The following TGFBR3 variants were observed in gnomAD, a reference collection of about 807,000 sequenced individuals.
TGFBR3 encodes the protein transforming growth factor beta receptor type 3.
Under a neutral mutation model 87.9 loss-of-function variants are expected in TGFBR3, and 46 were observed. The ratio of observed to expected loss-of-function variants is 0.52; its 90% CI spans 0.41 to 0.67. The LOEUF (loss-of-function observed/expected upper bound fraction) is 0.67. TGFBR3 is among the 30% of genes least tolerant of loss of function. The pLI, the probability that TGFBR3 is intolerant of heterozygous loss-of-function variation, is 0.00. For synonymous variants in TGFBR3, 381 were observed against 391.6 expected (o/e 0.97, Z 0.32); for missense variants, 866 against 1,041.9 (o/e 0.83, Z 2.32).
At chr1:91,812,280 C>T (rs944180381) in intron 2 of TGFBR3, among the ~76,000 whole-genome samples, 1 of 152,200 alleles carries the variant, frequency 6.6e-6, no homozygotes, top group South Asian at 2.1e-4. Context: ...CAAAGAACCA[C>T]CTTTCCGCCA....
chr1:91,884,531 A>G (rs1679218607), intron 1 of TGFBR3, among the ~76,000 whole-genome samples: 1 of 152,206 alleles, frequency 6.6e-6, no homozygotes, highest in African/African-American at 2.4e-5. Context: ...TGGACTATGC[A>G]CACAAATCTA....
At chr1:91,882,309 G>A (rs1679118183) in intron 1 of TGFBR3, among the ~76,000 whole-genome samples, 1 of 151,342 alleles carries the variant, frequency 6.6e-6, no homozygotes, top group Admixed American at 6.6e-5. Context: ...GCAAATTGTT[G>A]TATTTTCTGT....
chr1:91,903,732 C>G (rs1296116136), intron 1 of TGFBR3, among the ~76,000 whole-genome samples: 1 of 152,112 alleles, frequency 6.6e-6, no homozygotes, highest in Non-Finnish European at 1.5e-5. Flanking sequence ...GTCAATTAGA[C>G]ATTCTTATTC....
chr1:91,776,145 C>T (rs986028298), intron 3 of TGFBR3, among the ~76,000 whole-genome samples: 7 of 152,164 alleles, frequency 4.6e-5, no homozygotes, highest in African/African-American at 1.7e-4. Flanking sequence ...ATTAAGTCAA[C>T]ACGCAACACT....
In TGFBR3 at chr1:91,865,656, T is replaced by C. The variant is rs147533036; in HGVS notation, c.-113-4012A>G. 2.0e-3 allele frequency among the ~76,000 whole-genome samples: 305 copies of C among 152,260 alleles called. 7 individuals carry two copies. The East Asian group carries it at 0.056, about 28-fold the overall frequency. On this transcript the variant is annotated intron_variant, in intron 1 of 16. Coordinates refer to ENST00000212355, the MANE Select transcript of TGFBR3 (RefSeq NM_003243.5). ...GGCCGGGCGCGGTGGCTCACGCCTG[T>C]AATCCCAGCACTTTGGGAGGCCGAG...
At chr1:91,799,689 G>A (rs1398801742) in intron 2 of TGFBR3, among the ~76,000 whole-genome samples, 1 of 152,138 alleles carries the variant, frequency 6.6e-6, no homozygotes, top group Non-Finnish European at 1.5e-5. Flanking sequence ...TGTGTGCAAA[G>A]CTCTGAACAG....
chr1:91,875,480 T>C (rs1049041372), intron 1 of TGFBR3, among the ~76,000 whole-genome samples: 2 of 151,620 alleles, frequency 1.3e-5, no homozygotes, highest in African/African-American at 4.9e-5. Flanking sequence ...CACAGAAATA[T>C]GAGCAACTCA....
At chr1:91,798,449 A>C (rs955673568) in intron 2 of TGFBR3, among the ~76,000 whole-genome samples, 1 of 152,050 alleles carries the variant, frequency 6.6e-6, no homozygotes, top group African/African-American at 2.4e-5. Flanking sequence ...AACTTATTTA[A>C]AGGTCTCCAG....
chr1:91,815,267 A>C (rs1343004337), intron 2 of TGFBR3, among the ~76,000 whole-genome samples: 2 of 151,950 alleles, frequency 1.3e-5, no homozygotes, highest in Non-Finnish European at 2.9e-5. Flanking sequence ...GCACCACTGC[A>C]CTCCAGCCTG....
chr1:91,743,060 G>A (rs535703344), intron 4 of TGFBR3, among the ~76,000 whole-genome samples: 49 of 152,222 alleles, frequency 3.2e-4, no homozygotes, highest in African/African-American at 1.2e-3. Context: ...AAAGTCCTCA[G>A]CGGATCCACG....
intron 7 of TGFBR3, 43 bp downstream of exon 7, chr1:91,727,616 T>G: frequency 6.2e-7 from 1 of 1,611,990 alleles, no homozygotes; most frequent in Non-Finnish European, 8.5e-7. Flanking sequence ...TAAATTGTTG[T>G]CATTTATCTA....
intron 2 of TGFBR3, among the ~76,000 whole-genome samples, chr1:91,843,161 T>C (rs1677352961): frequency 6.6e-6 from 1 of 152,234 alleles, no homozygotes; most frequent in South Asian, 2.1e-4. Context: ...TGTTACGGAC[T>C]GAATGTGTAC....
chr1:91,844,218 G>A (rs1015109224), intron 2 of TGFBR3, among the ~76,000 whole-genome samples: 4 of 152,194 alleles, frequency 2.6e-5, no homozygotes, highest in South Asian at 2.1e-4. Flanking sequence ...CAGCCAGGCC[G>A]ATAACTCACT....
At position 91,683,333 on chromosome 1, in the gene TGFBR3, C is replaced by A. The variant is rs1006781143; in HGVS notation, c.*406G>T. 1 of 469,938 alleles carries A rather than the reference C, an allele frequency of 2.1e-6. No individual in the cohort carries two copies. Among genetic ancestry groups the A allele is most frequent in the African/African-American group, 2.0e-5 (1 of 50,698 alleles). The allele number at this position is 469,938 out of a possible 1,614,324, so 29.1% of individuals were successfully genotyped here. A position where few individuals can be genotyped will look rare whatever the true frequency, so the allele number is the denominator to read the frequency against. ...CTTTGGCCGCATCTCCTCACTGGTT[C>A]TACTATCTGGCTATTAACCCTTTAC... On this transcript the variant is annotated 3_prime_UTR_variant, in exon 17 of 17. Coordinates refer to ENST00000212355, the MANE Select transcript of TGFBR3 (RefSeq NM_003243.5).
chr1:91,803,356 G>T (rs1179987522), intron 2 of TGFBR3, among the ~76,000 whole-genome samples: 1 of 152,190 alleles, frequency 6.6e-6, no homozygotes, highest in Non-Finnish European at 1.5e-5. Context: ...CTGTATGAAG[G>T]GAAGGAGGTC....
At chr1:91,803,821 C>G (rs1249818704) in intron 2 of TGFBR3, among the ~76,000 whole-genome samples, 1 of 152,136 alleles carries the variant, frequency 6.6e-6, no homozygotes, top group East Asian at 1.9e-4. Flanking sequence ...ACCTCCCTCA[C>G]TGTGTTAGAT....
intron 3 of TGFBR3, among the ~76,000 whole-genome samples, chr1:91,771,521 G>A (rs1316284314): frequency 5.3e-5 from 8 of 151,974 alleles, no homozygotes; most frequent in Admixed American, 1.3e-4. Flanking sequence ...TGGCTAACAC[G>A]GTGAAACCCC....
In TGFBR3 at chr1:91,876,318, C is replaced by T. The variant is rs549770597; in HGVS notation, c.-114+9560G>A. On this transcript the variant is annotated intron_variant, in intron 1 of 16. Transcript: ENST00000212355. ...AGACCTGCCGGGGCTGATCTTCTGG[C>T]AGTGGAAAGGAGATTTCTTAGTTAA... Among the ~76,000 whole-genome samples the T allele has an allele frequency of 1.3e-5, 2 of 152,244 alleles. 1 individual carries two copies. The highest frequency in any genetic ancestry group is 4.2e-4 in the South Asian group (2 of 4,816).
chr1:91,809,570 T>C (rs935025438), intron 2 of TGFBR3, among the ~76,000 whole-genome samples: 8 of 152,296 alleles, frequency 5.3e-5, no homozygotes, highest in East Asian at 1.9e-4. Flanking sequence ...TGCAAACTTT[T>C]GGTTTGGCTG....
Sources: allele counts gnomAD v4.1 joint callset (sites outside exome capture counted in the v4.1 genomes callset), GRCh38; gene constraint gnomAD v4.1.1; transcripts MANE v1.5; gene names NCBI Gene and HGNC (gene_info 2026-07-23, HGNC 2026-07-21).